The following CADM2 variants were observed in gnomAD, a reference collection of about 807,000 sequenced individuals.
CADM2 encodes immunoglobulin superfamily member 4D.
A neutral mutation model predicts 49.8 loss-of-function variants in CADM2; 12 were observed. The ratio of observed to expected loss-of-function variants is 0.24; its 90% CI spans 0.15 to 0.39. The LOEUF (loss-of-function observed/expected upper bound fraction) is 0.39. CADM2 is among the 10% of genes least tolerant of loss of function. CADM2 has a pLI of 1.00. For synonymous variants in CADM2, 214 were observed against 175.4 expected, an observed-to-expected ratio of 1.22 and a Z score of -1.74; for missense variants, 378 against 492.3, an observed-to-expected ratio of 0.77 and a Z score of 2.20.
intron 1 of CADM2, among the ~76,000 whole-genome samples, chr3:85,103,670 G>T (rs1434392590): frequency 6.6e-6 from 1 of 152,138 alleles, no homozygotes; most frequent in East Asian, 1.9e-4. Context: ...AAATATATTT[G>T]ATTTTTATGC....
chr3:84,965,048 A>T (rs2030870005), intron 1 of CADM2, among the ~76,000 whole-genome samples: 2 of 152,316 alleles, frequency 1.3e-5, no homozygotes, highest in South Asian at 4.1e-4. Flanking sequence ...CCTTGATTAA[A>T]AACCCCAGAT....
chr3:85,807,273 C>A (rs1430482738), intron 3 of CADM2, among the ~76,000 whole-genome samples: 2 of 151,812 alleles, frequency 1.3e-5, no homozygotes, highest in African/African-American at 2.4e-5. Flanking sequence ...CTGTGGCAGG[C>A]GGATCACCTG....
intron 1 of CADM2, among the ~76,000 whole-genome samples, chr3:85,098,301 C>T (rs1257015511): frequency 1.3e-5 from 2 of 150,966 alleles, no homozygotes; most frequent in East Asian, 3.9e-4. Flanking sequence ...GAATTTTACC[C>T]TAAACCAAAG....
chr3:85,721,619 G>A (rs1264328159), intron 1 of CADM2, among the ~76,000 whole-genome samples: 1 of 152,172 alleles, frequency 6.6e-6, no homozygotes, highest in African/African-American at 2.4e-5. Context: ...TCTCCGTGAG[G>A]CTGCAGCTGG....
chr3:86,058,045 GA>G (rs1314238165), intron 8 of CADM2, among the ~76,000 whole-genome samples: 2 of 151,946 alleles, frequency 1.3e-5, no homozygotes, highest in Admixed American at 6.6e-5. Context: ...TACATACATT[GA>G]AAAAAATTGC....
rs149358619 is a variant in CADM2 at position 85,475,150 on chromosome 3, T to C, written c.62-251372T>C. On this transcript the variant is annotated intron_variant, in intron 1 of 9. Coordinates refer to ENST00000383699, the MANE Select transcript of CADM2 (RefSeq NM_001167675.2). ...TGGTGTTTTGTGGCAATATATAGAT[T>C]AGACAAATGTTCAGATTATTTTTAC... Among the ~76,000 whole-genome samples, 567 of 152,072 alleles carry C rather than the reference T, an allele frequency of 3.7e-3. 4 individuals are homozygous for C. Among genetic ancestry groups the C allele is most frequent in the African/African-American group, 0.013 (547 of 41,544 alleles).
At chr3:85,236,132 C>T (rs1008245518) in intron 1 of CADM2, among the ~76,000 whole-genome samples, 3 of 152,070 alleles carry the variant, frequency 2.0e-5, no homozygotes, top group East Asian at 1.9e-4. Context: ...GTACTTCTCA[C>T]GGTTGCCCCA....
intron 1 of CADM2, among the ~76,000 whole-genome samples, chr3:85,027,342 C>T (rs902779024): frequency 6.6e-6 from 1 of 151,740 alleles, no homozygotes; most frequent in Admixed American, 6.6e-5. Flanking sequence ...TCTCAATCTC[C>T]GGACTTCGTG....
chr3:85,068,907 A>C (rs1003510353), intron 1 of CADM2, among the ~76,000 whole-genome samples: 5 of 152,044 alleles, frequency 3.3e-5, no homozygotes, highest in Non-Finnish European at 7.4e-5. Flanking sequence ...AGTCATTTTC[A>C]TGTAAGCTGG....
At chr3:85,260,968 T>G (rs900043452) in intron 1 of CADM2, among the ~76,000 whole-genome samples, 16 of 152,090 alleles carry the variant, frequency 1.1e-4, no homozygotes, top group African/African-American at 3.6e-4. Context: ...GCGCTCCAGT[T>G]TGAGTAACTG....
intron 1 of CADM2, among the ~76,000 whole-genome samples, chr3:85,542,893 A>G (rs764132413): frequency 6.6e-6 from 1 of 152,328 alleles, no homozygotes; most frequent in South Asian, 2.1e-4. Flanking sequence ...AGTAATTGAA[A>G]TCATTCAACT....
chr3:85,146,507 T>C (rs2039746964), intron 1 of CADM2, among the ~76,000 whole-genome samples: 1 of 152,196 alleles, frequency 6.6e-6, no homozygotes, highest in Admixed American at 6.5e-5. Context: ...ATCATGATAA[T>C]TACATTTTAA....
At chr3:85,867,583 T>C (rs2108342361) in intron 3 of CADM2, among the ~76,000 whole-genome samples, 1 of 152,214 alleles carries the variant, frequency 6.6e-6, no homozygotes, top group African/African-American at 2.4e-5. Context: ...TTTTTCAAAA[T>C]ATGGAGAAGC....
intron 1 of CADM2, among the ~76,000 whole-genome samples, chr3:85,179,577 T>G (rs2040873201): frequency 6.6e-6 from 1 of 152,210 alleles, no homozygotes; most frequent in East Asian, 1.9e-4. Context: ...TTTCTGAATA[T>G]GCAACTTCTG....
intron 1 of CADM2, among the ~76,000 whole-genome samples, chr3:85,185,958 A>G (rs951315474): frequency 6.6e-6 from 1 of 152,178 alleles, no homozygotes; most frequent in African/African-American, 2.4e-5. Context: ...AGGAGATATT[A>G]TGGCAATTTA....
intron 1 of CADM2, among the ~76,000 whole-genome samples, chr3:85,113,659 A>G (rs2038537139): frequency 6.7e-6 from 1 of 150,248 alleles, no homozygotes. Context: ...TTTTATTTTA[A>G]TATTTATTGC....
chr3:85,549,086 A>G (rs2061735560), intron 1 of CADM2, among the ~76,000 whole-genome samples: 1 of 152,220 alleles, frequency 6.6e-6, no homozygotes, highest in African/African-American at 2.4e-5. Context: ...CAATAAATGT[A>G]CAGCCTCTAA....
At chr3:85,407,313 TG>T (rs1455456891) in intron 1 of CADM2, among the ~76,000 whole-genome samples, 1 of 152,202 alleles carries the variant, frequency 6.6e-6, no homozygotes, top group African/African-American at 2.4e-5. Flanking sequence ...CTGTAAAATT[TG>T]GCACCCTCCT....
chr3:85,828,409 C>G (rs890149548), intron 3 of CADM2, among the ~76,000 whole-genome samples: 1 of 151,552 alleles, frequency 6.6e-6, no homozygotes, highest in Non-Finnish European at 1.5e-5. Flanking sequence ...GAAAGAACAC[C>G]ATATGGGAGA....
Sources: allele counts gnomAD v4.1 joint callset (sites outside exome capture counted in the v4.1 genomes callset), GRCh38; gene constraint gnomAD v4.1.1; transcripts MANE v1.5; gene names NCBI Gene and HGNC (gene_info 2026-07-23, HGNC 2026-07-21).